The following GPAA1 variants were observed in gnomAD, a reference collection of about 807,000 sequenced individuals.
GPAA1 encodes glycosylphosphatidylinositol anchor attachment 1, also known as GPI-anchor transamidase component GPAA1.
GPAA1 carries 54 observed loss-of-function variants against 64.0 expected under a neutral mutation model. The ratio of observed to expected loss-of-function variants is 0.84; its 90% CI spans 0.68 to 1.06. GPAA1 has a LOEUF of 1.06. Ranked by LOEUF, GPAA1 falls within the 50% of genes least tolerant of loss-of-function variation. GPAA1 has a pLI of 0.00. For missense variants in GPAA1, 780 were observed against 822.3 expected (o/e 0.95, Z 0.63); for synonymous variants, 393 against 377.3 (o/e 1.04, Z -0.48).
At chr8:144,082,874 C>T in intron 1 of GPAA1, 70 bp downstream of exon 1, 1 of 1,221,610 alleles carries the variant, frequency 8.2e-7, no homozygotes, top group South Asian at 1.9e-5. Flanking sequence ...CATGCGCGGT[C>T]CCCATCGAGG....
In GPAA1 at chr8:144,082,758, C is replaced by G; in HGVS notation, c.28C>G (p.Arg10Gly). 1 of 1,464,558 alleles carries G rather than the reference C, an allele frequency of 6.8e-7. No homozygotes were observed. The highest frequency in any genetic ancestry group is 9.0e-7 in the Non-Finnish European group (1 of 1,114,168). The allele number at this position is 1,464,558 out of a possible 1,614,324, so 90.7% of individuals were successfully genotyped here. A position where few individuals can be genotyped will look rare whatever the true frequency, so the allele number is the denominator to read the frequency against. The change falls in exon 1 of 12, where the codon CGG (arginine) becomes GGG (glycine). Residue 10 changes from arginine to glycine, a missense_variant. Transcript: ENST00000355091. MGLLSDPVRRRALARLVLRL... is the reference protein window; with the variant it reads MGLLSDPVRGRALARLVLRL... ...GGGCCTCCTGTCGGACCCGGTTCGCCGGCGCGCGCTCGCCCGCCTAGTGCT... is the reference window on the plus strand; with the variant it reads ...GGGCCTCCTGTCGGACCCGGTTCGCGGGCGCGCGCTCGCCCGCCTAGTGCT...
At position 144,084,402 on chromosome 8, in the gene GPAA1, C is replaced by T. The variant is rs781802117; in HGVS notation, c.814-11C>T. On this transcript the variant is annotated splice_polypyrimidine_tract_variant and intron_variant, in intron 6 of 11. Coordinates refer to ENST00000355091, the MANE Select transcript of GPAA1 (RefSeq NM_003801.4). Reference sequence around the variant, plus strand: ...GGAGGGGCTGTCTCATCCTGTCCTGCACCTCTAAAGCTGCAGCCCGAGGAC... The same window carrying T: ...GGAGGGGCTGTCTCATCCTGTCCTGTACCTCTAAAGCTGCAGCCCGAGGAC... 3.1e-6 allele frequency: 5 copies of T among 1,611,126 alleles called. No individual in the cohort carries two copies. The highest frequency in any genetic ancestry group is 4.2e-6 in the Non-Finnish European group (5 of 1,178,556).
rs201495611 is a variant in GPAA1 at position 144,084,505 on chromosome 8, C to G, written c.906C>G (p.Pro302=). Reference sequence around the variant, plus strand: ...TTCTGCGGCAGGCCTCCGGCCGCCCCCACGGCTCCCATGGCCTCTTCCTGC... The same window carrying G: ...TTCTGCGGCAGGCCTCCGGCCGCCCGCACGGCTCCCATGGCCTCTTCCTGC... ...LMVLRQASGR[P]HGSHGLFLRY... is the part of the protein sequence containing the mutation. The change falls in exon 7 of 12, where the codon CCC becomes CCG. Residue 302 remains proline, a synonymous_variant. Coordinates refer to ENST00000355091, the MANE Select transcript of GPAA1 (RefSeq NM_003801.4). 163 of 1,613,544 alleles carry G rather than the reference C, an allele frequency of 1.0e-4. 1 individual carries two copies. In the African/African-American group the frequency reaches 1.6e-3, roughly 16 times the overall value.
intron 3 of GPAA1, 42 bp from the exon 4 acceptor site, chr8:144,083,672 A>G: frequency 6.3e-7 from 1 of 1,576,244 alleles, no homozygotes; most frequent in East Asian, 2.2e-5. Flanking sequence ...GCCCCCTACC[A>G]CAAAGTTACA....
chr8:144,082,996 C>T, intron 1 of GPAA1, 128 bp from the exon 2 acceptor site: 3 of 947,060 alleles, frequency 3.2e-6, no homozygotes, highest in South Asian at 1.7e-5. Context: ...GGTCCGGCGT[C>T]CCGATGCAGG....
In GPAA1 at chr8:144,085,844, C is replaced by T. The variant is rs781983845; in HGVS notation, c.1623-38C>T. 4 of 1,600,468 alleles carry T rather than the reference C, an allele frequency of 2.5e-6. No individual in the cohort carries two copies. The South Asian group carries it at 3.3e-5, about 13-fold the overall frequency. ...TCCCCCAACCTGGTGCCCATGCCCC[C>T]ACCATGGAGCCTACCTTGATGTTGC... On this transcript the variant is annotated intron_variant, in intron 11 of 11. Transcript: ENST00000355091.
chr8:144,083,071 T>A, intron 1 of GPAA1, 53 bp from the exon 2 acceptor site: 1 of 1,526,070 alleles, frequency 6.6e-7, no homozygotes, highest in Non-Finnish European at 9.0e-7. Context: ...TGGCCTCGGG[T>A]CGGCGTCTGA....
intron 1 of GPAA1, 122 bp downstream of exon 1, chr8:144,082,926 C>G (rs1339690887): frequency 6.5e-6 from 6 of 924,052 alleles, no homozygotes; most frequent in Non-Finnish European, 9.1e-6. Flanking sequence ...CGGCTGCTCG[C>G]GCCCTTCCGC....
rs782145356 is a variant in GPAA1 at position 144,085,966 on chromosome 8, G to A, written c.1707G>A (p.Glu569=). 8.1e-6 allele frequency: 13 copies of A among 1,606,478 alleles called. No homozygotes were observed. Among genetic ancestry groups the A allele is most frequent in the Admixed American group, 1.7e-5 (1 of 59,994 alleles). Residue 569 remains glutamate (E), a synonymous_variant, in exon 12 of 12, where the codon GAG becomes GAA. Transcript: ENST00000355091. ...GSLFLWRELQ[E]APLSLAEGWQ... ...TGTTCCTGTGGCGGGAGCTGCAGGA[G>A]GCGCCACTGTCACTGGCCGAGGGCT... is the stretch of plus-strand genomic sequence containing the variant.
At chr8:144,084,091 C>T (rs370795619) in intron 5 of GPAA1, 43 bp from the exon 6 acceptor site, 1 of 1,608,640 alleles carries the variant, frequency 6.2e-7, no homozygotes. Flanking sequence ...GGTCACTGTC[C>T]TCACCACGTC....
In GPAA1 at chr8:144,083,776, G is replaced by A. The variant is rs782498660; in HGVS notation, c.429G>A (p.Ser143=). 4.4e-6 allele frequency: 7 copies of A among 1,607,308 alleles called. No homozygotes were observed. The highest frequency in any genetic ancestry group is 3.3e-5 in the South Asian group (3 of 91,082). Residue 143 remains serine, a synonymous_variant, in exon 4 of 12, where the codon TCG becomes TCA. Coordinates refer to ENST00000355091, the MANE Select transcript of GPAA1 (RefSeq NM_003801.4). ...CCCCGCGTGCTGCCAGCACCGAGTC[G>A]CTTGTGCTCACCGTGCCCTGTGGCT... is the stretch of plus-strand genomic sequence containing the variant. The part of the protein sequence containing the change: ...LRAPRAASTE[S]LVLTVPCGSD...
rs782500944 is a variant in GPAA1 at position 144,085,171 on chromosome 8, C to CT, written c.1260+35dup. ...CACCCCCTTCTGTTGTTGGAATGGG[C>CT]TTCTGGGGTCTGACTGGTGTTTAGT... On this transcript the variant is annotated intron_variant, in intron 9 of 11. Coordinates refer to ENST00000355091, the MANE Select transcript of GPAA1 (RefSeq NM_003801.4). 2.7e-6 allele frequency: 4 copies of CT among 1,470,404 alleles called. No homozygotes were observed. In the South Asian group the frequency reaches 4.9e-5, roughly 18 times the overall value. The allele number at this position is 1,470,404 out of a possible 1,614,324, so 91.1% of individuals were successfully genotyped here.
chr8:144,083,946 T>A lies in GPAA1; in HGVS notation c.522T>A (p.Ile174=), dbSNP rs782377277. The A allele has an allele frequency of 1.2e-6, 2 of 1,613,428 alleles. No homozygotes were observed. The highest frequency in any genetic ancestry group is 1.7e-6 in the Non-Finnish European group (2 of 1,179,748). Residue 174 remains isoleucine, a synonymous_variant, in exon 5 of 12, where the codon ATT becomes ATA. Coordinates refer to ENST00000355091, the MANE Select transcript of GPAA1 (RefSeq NM_003801.4). ...LALAAHFRGQ[I]YWAKDIVFLV... is the part of the protein sequence containing the mutation. ...CCTGCTTCTGGCCTCCAGGGCAGAT[T>A]TATTGGGCCAAAGATATCGTCTTCC...
chr8:144,084,079 A>G, intron 5 of GPAA1, 39 bp downstream of exon 5: 5 of 1,607,554 alleles, frequency 3.1e-6, no homozygotes, highest in Non-Finnish European at 4.3e-6. Flanking sequence ...TCCCCCTCTC[A>G]GGGTCACTGT....
rs1357847135 is a variant in GPAA1, at chr8:144,083,499, A to G, written c.365A>G (p.Tyr122Cys). 1 of 1,606,090 alleles carries G rather than the reference A, an allele frequency of 6.2e-7. No homozygotes were observed. Among genetic ancestry groups the G allele is most frequent in the Non-Finnish European group, 8.5e-7 (1 of 1,173,036 alleles). Reference sequence around the variant, plus strand: ...TTCCCAGATGAGACCCACGAGCGCTATGTACTGGGGGAGTGGGGTGTGCCT... The same window carrying G: ...TTCCCAGATGAGACCCACGAGCGCTGTGTACTGGGGGAGTGGGGTGTGCCT... ...LPFPDETHER[Y>C]MVSGTNVYGI... Residue 122 changes from tyrosine to cysteine, a missense_variant and splice_region_variant, in exon 3 of 12, where the codon TAT becomes TGT. Physicochemically the swap from Tyr to Cys is radical, Grantham distance 194. Transcript: ENST00000355091.
At position 144,082,695 on chromosome 8, in the gene GPAA1, G is replaced by A; in HGVS notation, c.-36G>A. 1 of 1,422,686 alleles carries A rather than the reference G, an allele frequency of 7.0e-7. No homozygotes were observed. The highest frequency in any genetic ancestry group is 9.2e-7 in the Non-Finnish European group (1 of 1,088,856). 88.1% of individuals were successfully genotyped at this position (1,422,686 alleles called of 1,614,324 possible). ...GGGCACCGCGGCGGTAGTTGGAGGC[G>A]GGAGAGGGTCCGTAGCCGCGCCGCC... On this transcript the variant is annotated 5_prime_UTR_variant, in exon 1 of 12. Coordinates refer to ENST00000355091, the MANE Select transcript of GPAA1 (RefSeq NM_003801.4).
At position 144,085,673 on chromosome 8, in the gene GPAA1, T is replaced by A; in HGVS notation, c.1552T>A (p.Phe518Ile). The A allele has an allele frequency of 1.2e-6, 2 of 1,613,766 alleles. No individual in the cohort carries two copies. The highest frequency in any genetic ancestry group is 8.5e-7 in the Non-Finnish European group (1 of 1,179,958). ...LQLGCIALTN[F>I]SLGFLLATTM... ...GCTGGGCTGCATCGCCCTCACCAAC[T>A]TCTCACTGGGCTTCCTGCTGGCCAC... Residue 518 changes from phenylalanine to isoleucine, a missense_variant, in exon 11 of 12, where the codon TTC becomes ATC. Coordinates refer to ENST00000355091, the MANE Select transcript of GPAA1 (RefSeq NM_003801.4).
chr8:144,083,019 G>A (rs1564303864), intron 1 of GPAA1, 105 bp from the exon 2 acceptor site: 1 of 1,097,222 alleles, frequency 9.1e-7, no homozygotes, highest in Non-Finnish European at 1.3e-6. Context: ...TCCGGGTTTA[G>A]GTCTCCCAGA....
chr8:144,083,388 G>A lies in GPAA1; in HGVS notation c.255-1G>A. On this transcript the variant is annotated splice_acceptor_variant, in intron 2 of 11. Coordinates refer to ENST00000355091, the MANE Select transcript of GPAA1 (RefSeq NM_003801.4). LOFTEE classifies it high-confidence loss of function. ...CTCAGAGGCTCCCTTCGTGTCTGCA[G>A]GGCTCTGCCAGTGGCCTGGCTTGAA... 6.2e-7 allele frequency: 1 copy of A among 1,613,524 alleles called. No individual in the cohort carries two copies. Among genetic ancestry groups the A allele is most frequent in the Non-Finnish European group, 8.5e-7 (1 of 1,179,834 alleles).
Sources: gnomAD v4.1 joint callset for allele counts on GRCh38, gnomAD v4.1.1 for gene constraint, MANE v1.5 for transcripts, NCBI Gene and HGNC (gene_info 2026-07-23, HGNC 2026-07-21) for gene names.